The following MAMLD1 variants were observed in gnomAD, a reference collection of about 807,000 sequenced individuals.
The protein encoded by MAMLD1 is mastermind-like domain-containing protein 1.
MAMLD1 carries 14 observed loss-of-function variants against 45.0 expected under a neutral mutation model. The observed-to-expected ratio is 0.31, with a 90% CI of 0.21 to 0.49. MAMLD1 has a LOEUF of 0.49. Among genes scored for constraint, MAMLD1 ranks in the 20% least tolerant of loss-of-function variants. The probability of loss-of-function intolerance (pLI) is 0.99; values close to 1 mark genes in which losing one functional copy is unlikely to be tolerated. For missense variants in MAMLD1, 543 were observed against 603.6 expected (o/e 0.90, Z 1.05); for synonymous variants, 254 against 247.8 (o/e 1.02, Z -0.24).
At chrX:150,437,336 ACTT>A (rs782256103) in intron 1 of MAMLD1, among the ~76,000 whole-genome samples, 1 of 111,524 alleles carries the variant, frequency 9.0e-6, no homozygotes, top group South Asian at 3.8e-4. Context: ...GGAGGCAGCT[ACTT>A]CTTCTTTTTT....
At chrX:150,484,208 G>C (rs1557407493) in intron 5 of MAMLD1, among the ~76,000 whole-genome samples, 3 of 112,575 alleles carry the variant, frequency 2.7e-5, no homozygotes, top group African/African-American at 9.7e-5. Flanking sequence ...TATTTTACTA[G>C]TTCATAAGCA....
chrX:150,368,382 C>T (rs1309965556), intron 1 of MAMLD1, among the ~76,000 whole-genome samples: 4 of 109,041 alleles, frequency 3.7e-5, no homozygotes, highest in African/African-American at 1.4e-4. Flanking sequence ...CTGTTCATAT[C>T]CTTCGCCCAA....
At chrX:150,366,558 C>T (rs182134893) in intron 1 of MAMLD1, among the ~76,000 whole-genome samples, 3 of 112,349 alleles carry the variant, frequency 2.7e-5, no homozygotes, top group Admixed American at 9.4e-5. Flanking sequence ...TTGAACCTGC[C>T]GGACAGACCA....
In MAMLD1 at chrX:150,501,626, TG is replaced by T. The variant is rs1392928854; in HGVS notation, c.2041-1647del. ...TGGGTTTTCTTGACTTTGTTGTTTT[TG>T]TTTGGGTTTTAGAGGGTGGGCATGA... On this transcript the variant is annotated intron_variant, in intron 5 of 7. Transcript: ENST00000370401. 2.7e-5 allele frequency among the ~76,000 whole-genome samples: 3 copies of T among 112,436 alleles called. No individual in the cohort carries two copies. In the Admixed American group the frequency reaches 2.8e-4, roughly 11 times the overall value.
intron 1 of MAMLD1, among the ~76,000 whole-genome samples, chrX:150,408,209 C>G (rs1295625036): frequency 3.6e-5 from 4 of 110,528 alleles, no homozygotes; most frequent in African/African-American, 9.9e-5. Context: ...TTAAACACTT[C>G]ACAGTGCATC....
intron 1 of MAMLD1, among the ~76,000 whole-genome samples, chrX:150,421,307 A>G (rs1272218506): frequency 2.7e-5 from 3 of 112,057 alleles, no homozygotes; most frequent in Non-Finnish European, 5.6e-5. Context: ...CGCACGGTGC[A>G]CGCACCCACT....
chrX:150,463,823 A>C (rs2036130107), intron 3 of MAMLD1, among the ~76,000 whole-genome samples: 1 of 111,323 alleles, frequency 9.0e-6, no homozygotes, highest in Non-Finnish European at 1.9e-5. Flanking sequence ...TCAGCCACCA[A>C]GACAGCATCC....
At chrX:150,430,966 A>G (rs1467136667) in intron 1 of MAMLD1, among the ~76,000 whole-genome samples, 1 of 112,135 alleles carries the variant, frequency 8.9e-6, no homozygotes, top group Non-Finnish European at 1.9e-5. Context: ...AATCTTTTTT[A>G]TATCTACAAA....
intron 5 of MAMLD1, among the ~76,000 whole-genome samples, chrX:150,498,898 C>T (rs1338231655): frequency 6.2e-5 from 7 of 112,476 alleles, no homozygotes; most frequent in African/African-American, 1.6e-4. Flanking sequence ...ACTTACATTA[C>T]GTTTTCCTGT....
chrX:150,455,288 G>A (rs2035817406), intron 2 of MAMLD1, among the ~76,000 whole-genome samples: 1 of 111,693 alleles, frequency 9.0e-6, no homozygotes, highest in Non-Finnish European at 1.9e-5. Flanking sequence ...GATATACTGA[G>A]GATTTCCTTT....
intron 2 of MAMLD1, among the ~76,000 whole-genome samples, chrX:150,450,216 G>A (rs782114433): frequency 6.2e-5 from 7 of 112,462 alleles, no homozygotes; most frequent in Non-Finnish European, 9.4e-5. Context: ...TCTGACCAGC[G>A]TTGTCCACTG....
chrX:150,506,748 T>C (rs1557408847), intron 6 of MAMLD1, among the ~76,000 whole-genome samples: 1 of 112,591 alleles, frequency 8.9e-6, no homozygotes, highest in Non-Finnish European at 1.9e-5. Flanking sequence ...CATTAGCATG[T>C]GGTAGCTGGT....
chrX:150,394,393 T>A (rs782795043), intron 1 of MAMLD1, among the ~76,000 whole-genome samples: 1 of 110,227 alleles, frequency 9.1e-6, no homozygotes, highest in Non-Finnish European at 1.9e-5. Flanking sequence ...TTTGACTTTG[T>A]TCTTCTCTGT....
intron 1 of MAMLD1, among the ~76,000 whole-genome samples, chrX:150,398,341 G>GAAGAAGAAGA (rs1569564632): frequency 1.5e-5 from 1 of 64,971 alleles, no homozygotes; most frequent in African/African-American, 5.5e-5. Flanking sequence ...AGAAGAAGAA[G>GAAGAAGAAGA]AGGAAGAGGA....
intron 1 of MAMLD1, among the ~76,000 whole-genome samples, chrX:150,438,082 A>G (rs1434788453): frequency 9.0e-6 from 1 of 111,195 alleles, no homozygotes; most frequent in Admixed American, 9.6e-5. Flanking sequence ...CATAGTATAC[A>G]TGTACCATCA....
chrX:150,506,898 C>T (rs1557408859), intron 6 of MAMLD1, among the ~76,000 whole-genome samples: 1 of 112,522 alleles, frequency 8.9e-6, no homozygotes, highest in African/African-American at 3.2e-5. Flanking sequence ...TGGCGTCAGC[C>T]TAAAGCTTCT....
Position 150,513,221 on chromosome X carries a change from G to T in MAMLD1, c.*1262G>T, listed in dbSNP as rs1437209602. ...CTCTCTACCTGTGACAAAATGGAAA[G>T]CTGGTGATTTTTCAAGCTACGTGTA... On this transcript the variant is annotated 3_prime_UTR_variant, in exon 8 of 8. Transcript: ENST00000370401. 1 of 495,213 alleles carries T rather than the reference G, an allele frequency of 2.0e-6. No homozygotes were observed. The highest frequency in any genetic ancestry group is 4.3e-5 in the South Asian group (1 of 23,431). 40.8% of individuals were successfully genotyped at this position (495,213 alleles called of 1,213,427 possible). A position where few individuals can be genotyped will look rare whatever the true frequency, so the allele number is the denominator to read the frequency against.
At chrX:150,433,926 T>G (rs1171419167) in intron 1 of MAMLD1, among the ~76,000 whole-genome samples, 2 of 112,081 alleles carry the variant, frequency 1.8e-5, no homozygotes, top group African/African-American at 6.5e-5. Flanking sequence ...CCTCACAGAA[T>G]GAGTTATAGA....
chrX:150,491,298 C>A (rs886671092), intron 5 of MAMLD1, among the ~76,000 whole-genome samples: 2 of 111,921 alleles, frequency 1.8e-5, no homozygotes, highest in Non-Finnish European at 3.8e-5. Flanking sequence ...AGGTCTCCTG[C>A]CTTGTCTCTG....
Sources: gnomAD v4.1 joint callset for allele counts (sites outside exome capture counted in the v4.1 genomes callset) on GRCh38, gnomAD v4.1.1 for gene constraint, MANE v1.5 for transcripts, NCBI Gene and HGNC (gene_info 2026-07-23, HGNC 2026-07-21) for gene names.